Variants in ROBO2 observed in about 807,000 individuals in gnomAD.
ROBO2 encodes the protein roundabout homolog 2.
Under a neutral mutation model 160.8 loss-of-function variants are expected in ROBO2, and 53 were observed. The ratio of observed to expected loss-of-function variants is 0.33; its 90% CI spans 0.26 to 0.41. The LOEUF (loss-of-function observed/expected upper bound fraction) is 0.41, where lower values mean the gene tolerates loss of function less well. ROBO2 is among the 10% of genes least tolerant of loss of function. The pLI is 1.00. For missense variants in ROBO2, 1,577 were observed against 1,722.4 expected, an observed-to-expected ratio of 0.92 and a Z score of 1.49; for synonymous variants, 664 against 611.7, an observed-to-expected ratio of 1.09 and a Z score of -1.26.
chr3:77,551,580 C>T (rs1247909814), intron 8 of ROBO2, among the ~76,000 whole-genome samples: 1 of 152,044 alleles, frequency 6.6e-6, no homozygotes, highest in African/African-American at 2.4e-5. Context: ...TCTGCGTAAT[C>T]TGGTTTTTTC....
intron 2 of ROBO2, among the ~76,000 whole-genome samples, chr3:76,359,735 A>G (rs2075393180): frequency 6.6e-6 from 1 of 151,988 alleles, no homozygotes; most frequent in Admixed American, 6.6e-5. Flanking sequence ...TTCATATAGT[A>G]TTCATATATT....
intron 2 of ROBO2, among the ~76,000 whole-genome samples, chr3:77,222,340 C>T (rs1253600042): frequency 1.3e-5 from 2 of 152,158 alleles, no homozygotes; most frequent in Admixed American, 1.3e-4. Flanking sequence ...CCTTTAATCT[C>T]ACTGATTTGG....
intron 2 of ROBO2, among the ~76,000 whole-genome samples, chr3:76,818,620 T>A (rs891020650): frequency 6.6e-6 from 1 of 152,110 alleles, no homozygotes; most frequent in Non-Finnish European, 1.5e-5. Context: ...AAAATTTTTA[T>A]GGTTTCAGAT....
chr3:77,121,452 CT>C lies in ROBO2; in HGVS notation c.388+23114del, dbSNP rs2074757378. Among the ~76,000 whole-genome samples, 2 of 152,100 alleles carry C rather than the reference CT, an allele frequency of 1.3e-5. 1 individual carries two copies. Among genetic ancestry groups the C allele is most frequent in the South Asian group, 4.2e-4 (2 of 4,814 alleles). On this transcript the variant is annotated intron_variant, in intron 2 of 25. Coordinates refer to ENST00000461745, the Ensembl canonical transcript of ROBO2. Reference sequence around the variant, plus strand: ...TGATACCTATTACATTTTTAATTGGCTTCTACTGGAATGGGGAAATACAATT... The same window carrying C: ...TGATACCTATTACATTTTTAATTGGCTCTACTGGAATGGGGAAATACAATT...
chr3:76,258,834 A>C (rs570687378), intron 2 of ROBO2, among the ~76,000 whole-genome samples: 77 of 151,934 alleles, frequency 5.1e-4, no homozygotes, highest in African/African-American at 1.8e-3. Flanking sequence ...TTTCTCCCTT[A>C]TTTTTTTCTA....
At chr3:76,372,611 T>C (rs1022150715) in intron 2 of ROBO2, among the ~76,000 whole-genome samples, 4 of 151,950 alleles carry the variant, frequency 2.6e-5, no homozygotes, top group Admixed American at 1.3e-4. Context: ...ACTTCAAACA[T>C]TGAGCATAGA....
chr3:76,368,136 AG>A, intron 2 of ROBO2, among the ~76,000 whole-genome samples: 1 of 152,078 alleles, frequency 6.6e-6, no homozygotes, highest in African/African-American at 2.4e-5. Flanking sequence ...ATCAATAAAA[AG>A]GTAAGGTGTA....
chr3:76,384,250 A>G (rs891351288), intron 2 of ROBO2, among the ~76,000 whole-genome samples: 3 of 152,116 alleles, frequency 2.0e-5, no homozygotes, highest in East Asian at 1.9e-4. Context: ...ATGTTAATCT[A>G]TTTCTTGATT....
chr3:76,378,632 G>A lies in ROBO2; in HGVS notation c.109+441030G>A, dbSNP rs143415283. 1.9e-3 allele frequency among the ~76,000 whole-genome samples: 296 copies of A among 152,270 alleles called. 2 individuals are homozygous for A. Among genetic ancestry groups the A allele is most frequent in the African/African-American group, 5.9e-3 (245 of 41,534 alleles). On this transcript the variant is annotated intron_variant, in intron 2 of 26. Coordinates refer to the ROBO2 transcript ENST00000487694. ...CAGAGTAGCAAGTTTAGTAAAACAA[G>A]TTAGTTCATACAGAATATTTTAGAA... is the stretch of plus-strand genomic sequence containing the variant.
intron 2 of ROBO2, among the ~76,000 whole-genome samples, chr3:76,201,966 G>C (rs1261379095): frequency 6.7e-6 from 1 of 150,336 alleles, no homozygotes; most frequent in African/African-American, 2.4e-5. Context: ...CACTTGTCCT[G>C]CTAATAAAAC....
chr3:77,450,558 C>T (rs2081012125), intron 2 of ROBO2, among the ~76,000 whole-genome samples: 2 of 152,114 alleles, frequency 1.3e-5, no homozygotes, highest in South Asian at 4.1e-4. Context: ...ACTATTAGTA[C>T]TGGTATATTT....
chr3:76,468,684 T>A (rs1164579534), intron 2 of ROBO2, among the ~76,000 whole-genome samples: 2 of 152,078 alleles, frequency 1.3e-5, no homozygotes, highest in Admixed American at 1.3e-4. Context: ...CCCTCCTCCC[T>A]GAAAACCTCT....
At chr3:76,638,925 C>T (rs1250803633) in intron 2 of ROBO2, among the ~76,000 whole-genome samples, 4 of 152,120 alleles carry the variant, frequency 2.6e-5, no homozygotes, top group African/African-American at 9.7e-5. Context: ...ACAGTCACTC[C>T]CTGCCTGTCA....
At chr3:77,551,058 G>A (rs1048116066) in intron 8 of ROBO2, 69 bp downstream of exon 9, 5 of 1,525,518 alleles carry the variant, frequency 3.3e-6, no homozygotes, top group Non-Finnish European at 4.5e-6. Flanking sequence ...CGTTAACCAT[G>A]TGGAGTTTGC....
At chr3:76,704,297 A>G (rs1341518167) in intron 2 of ROBO2, among the ~76,000 whole-genome samples, 1 of 152,108 alleles carries the variant, frequency 6.6e-6, no homozygotes, top group Non-Finnish European at 1.5e-5. Flanking sequence ...TTGCTTTCAA[A>G]ACTCCATCTT....
intron 2 of ROBO2, among the ~76,000 whole-genome samples, chr3:77,174,887 G>T (rs4683971): frequency 0.38 from 58,069 of 151,780 alleles, 11,844 homozygotes; most frequent in Middle Eastern, 0.54. Context: ...TTTCAAAAAG[G>T]CTTCATAAAA....
intron 2 of ROBO2, among the ~76,000 whole-genome samples, chr3:76,616,360 T>G (rs1418533015): frequency 6.6e-6 from 1 of 152,168 alleles, no homozygotes; most frequent in African/African-American, 2.4e-5. Context: ...AGTCATTGAG[T>G]GTTAGCTTTG....
chr3:76,503,114 G>A (rs916912637), intron 2 of ROBO2, among the ~76,000 whole-genome samples: 43 of 152,198 alleles, frequency 2.8e-4, no homozygotes, highest in Admixed American at 6.5e-4. Context: ...AGGCTGAGGA[G>A]CAAGGAGACC....
chr3:77,241,757 T>C (rs1296894557), intron 2 of ROBO2, among the ~76,000 whole-genome samples: 1 of 152,144 alleles, frequency 6.6e-6, no homozygotes, highest in Non-Finnish European at 1.5e-5. Context: ...GACCTCTAAT[T>C]CAGGGCTTTT....
Sources: gnomAD v4.1 joint callset for allele counts (sites outside exome capture counted in the v4.1 genomes callset) on GRCh38, gnomAD v4.1.1 for gene constraint, MANE v1.5 for transcripts, NCBI Gene and HGNC (gene_info 2026-07-23, HGNC 2026-07-21) for gene names.